The following CADPS variants were observed in gnomAD, a reference collection of about 807,000 sequenced individuals.
CADPS encodes calcium-dependent secretion activator 1.
In CADPS, 57 loss-of-function variants were observed where a neutral mutation model predicts 167.3. The observed-to-expected ratio is 0.34, with a 90% CI of 0.28 to 0.42. CADPS has a LOEUF of 0.42. Ranked by LOEUF, CADPS falls within the 20% of genes least tolerant of loss-of-function variation. CADPS has a pLI of 1.00. For synonymous variants in CADPS, 676 were observed against 635.3 expected (o/e 1.06, Z -0.96); for missense variants, 1,414 against 1,738.1 (o/e 0.81, Z 3.32).
intron 6 of CADPS, among the ~76,000 whole-genome samples, chr3:62,637,098 C>A (rs72874448): frequency 1.6e-3 from 246 of 152,114 alleles, no homozygotes; most frequent in African/African-American, 5.5e-3. Context: ...ATACTATTTC[C>A]TGAGAGGTTA....
chr3:62,515,898 C>T (rs767378737), intron 16 of CADPS, among the ~76,000 whole-genome samples, 161 bp downstream of exon 16: 21 of 152,074 alleles, frequency 1.4e-4, no homozygotes, highest in Non-Finnish European at 2.8e-4. Context: ...ATTTACTTGG[C>T]CACAGCCAAG....
At chr3:62,781,244 A>T (rs994694810) in intron 1 of CADPS, among the ~76,000 whole-genome samples, 3 of 152,230 alleles carry the variant, frequency 2.0e-5, no homozygotes, top group Non-Finnish European at 2.9e-5. Context: ...GAAGGCATAC[A>T]GCAGACAAAG....
intron 1 of CADPS, among the ~76,000 whole-genome samples, chr3:62,858,916 G>C (rs958719): frequency 0.34 from 51,721 of 151,906 alleles, 10,503 homozygotes; most frequent in East Asian, 0.5. Context: ...GAAAATGTTT[G>C]GATTTTTAAA....
At chr3:62,841,487 G>T (rs546389250) in intron 1 of CADPS, among the ~76,000 whole-genome samples, 8 of 152,272 alleles carry the variant, frequency 5.3e-5, no homozygotes, top group African/African-American at 1.9e-4. Context: ...AGGCTAAGGT[G>T]GGTGGATCAT....
rs2068409678 is a variant in CADPS, at chr3:62,645,735, C to A, written c.1312G>T (p.Ala438Ser). 1 of 1,613,964 alleles carries A rather than the reference C, an allele frequency of 6.2e-7. No homozygotes were observed. The highest frequency in any genetic ancestry group is 1.3e-5 in the African/African-American group (1 of 74,910). Residue 438 changes from alanine (A) to serine (S), a missense_variant, in exon 6 of 30, where the codon GCT becomes TCT. Around this residue, in one of 6 missense-constraint regions of CADPS, gnomAD observed 157 missense variants for 229.4 expected, o/e 0.68. Transcript: ENST00000383710. ...AACATAACTTACGTTGGTTTAGAAG[C>A]CTCGGCCTGATCAGTCTGTAGTTTC... ...GEKLQTDQAE[A>S]SKPTWGTQGD...
At position 62,465,510 on chromosome 3, in the gene CADPS, G is replaced by A. The variant is rs1576418811; in HGVS notation, c.3553-60C>T. The A allele has an allele frequency of 2.5e-6, 3 of 1,180,158 alleles. No individual in the cohort carries two copies. Among genetic ancestry groups the A allele is most frequent in the Non-Finnish European group, 3.7e-6 (3 of 814,064 alleles). 73.1% of individuals were successfully genotyped at this position (1,180,158 alleles called of 1,614,324 possible). A position where few individuals can be genotyped will look rare whatever the true frequency, so the allele number is the denominator to read the frequency against. On this transcript the variant is annotated intron_variant, in intron 25 of 29. Transcript: ENST00000383710. The surrounding 1 kb of genome is among the most constrained non-coding windows in gnomAD (Gnocchi z 4.1). ...TCAAACTATAATTGTTCACCATAAA[G>A]CACATCATTTCCCCACCACATAAAG...
intron 28 of CADPS, among the ~76,000 whole-genome samples, chr3:62,425,931 C>T (rs565529713): frequency 1.3e-5 from 2 of 152,266 alleles, no homozygotes; most frequent in African/African-American, 4.8e-5. Flanking sequence ...CCTGGGGCAC[C>T]TTCTTTGAGG....
Position 62,438,254 on chromosome 3 carries a change from C to A in CADPS, c.3670-43G>T, listed in dbSNP as rs750844112. On this transcript the variant is annotated intron_variant, in intron 27 of 29. Coordinates refer to ENST00000383710, the MANE Select transcript of CADPS (RefSeq NM_003716.4). The surrounding 1 kb of genome is among the most constrained non-coding windows in gnomAD (Gnocchi z 4.7). ...AACATGAAAACGAATTTTCAGACAG[C>A]CACTCTTCCTTGTTTACCATTCACT... The A allele has an allele frequency of 3.6e-6, 5 of 1,403,504 alleles. No homozygotes were observed. The highest frequency in any genetic ancestry group is 5.1e-6 in the Non-Finnish European group (5 of 989,182). The allele number at this position is 1,403,504 out of a possible 1,614,324, so 86.9% of individuals were successfully genotyped here.
chr3:62,805,649 G>T (rs2094044994), intron 1 of CADPS, among the ~76,000 whole-genome samples: 1 of 152,116 alleles, frequency 6.6e-6, no homozygotes, highest in Non-Finnish European at 1.5e-5. Context: ...AGGCTCTGCT[G>T]CCTAATCTCA....
At position 62,458,923 on chromosome 3, in the gene CADPS, ACTTAT is replaced by A. The variant is rs753272493; in HGVS notation, c.3636+6439_3636+6443del. On this transcript the variant is annotated intron_variant, in intron 26 of 29. Coordinates refer to ENST00000383710, the MANE Select transcript of CADPS (RefSeq NM_003716.4). This position sits in a 1 kb window ranked among gnomAD's most constrained non-coding sequence, Gnocchi z 4.6. ...TTAAGTGAAATAGTTAACTTTGGAT[ACTTAT>A]CTTTTCTCTTCTGTAAAGCTTCTGA... Among the ~76,000 whole-genome samples the A allele has an allele frequency of 2.6e-4, 39 of 152,220 alleles. No individual in the cohort carries two copies. The highest frequency in any genetic ancestry group is 9.8e-4 in the Admixed American group (15 of 15,276).
chr3:62,798,135 A>T (rs1469199212), intron 1 of CADPS, among the ~76,000 whole-genome samples: 1 of 152,028 alleles, frequency 6.6e-6, no homozygotes, highest in Non-Finnish European at 1.5e-5. Flanking sequence ...AAACAATGTG[A>T]TGGCTAATAC....
intron 4 of CADPS, among the ~76,000 whole-genome samples, chr3:62,660,134 T>G (rs558366621): frequency 1.3e-5 from 2 of 150,506 alleles, no homozygotes; most frequent in Admixed American, 6.7e-5. Flanking sequence ...TATTAAAAAT[T>G]AAAATTAGCC....
chr3:62,483,020 G>A (rs1269402842), intron 21 of CADPS, among the ~76,000 whole-genome samples: 3 of 151,674 alleles, frequency 2.0e-5, no homozygotes, highest in African/African-American at 2.4e-5. Context: ...TGTCATACAC[G>A]GCTCCTCAAG....
rs748244005 is a variant in CADPS, at chr3:62,492,439, G to A, written c.2735C>T (p.Ala912Val). The change falls in exon 20 of 30, where the codon GCG becomes GTG. Residue 912 changes from alanine to valine, a missense_variant. Transcript: ENST00000383710. ...EPHVDKGEAFAWWSDLMVEHA... is the reference protein window; with the variant it reads ...EPHVDKGEAFVWWSDLMVEHA... Reference sequence around the variant, plus strand: ...CTCCACCATTAAATCTGACCACCACGCAAAGGCCTTTAAAATTTGGCAGAA... The same window carrying A: ...CTCCACCATTAAATCTGACCACCACACAAAGGCCTTTAAAATTTGGCAGAA... 6.2e-6 allele frequency: 10 copies of A among 1,612,412 alleles called. No homozygotes were observed. The highest frequency in any genetic ancestry group is 2.7e-5 in the African/African-American group (2 of 74,858).
Position 62,875,163 on chromosome 3 carries a change from C to G in CADPS, c.-134G>C. 2 of 1,190,106 alleles carry G rather than the reference C, an allele frequency of 1.7e-6. No individual in the cohort carries two copies. The highest frequency in any genetic ancestry group is 2.1e-6 in the Non-Finnish European group (2 of 935,780). 73.7% of individuals were successfully genotyped at this position (1,190,106 alleles called of 1,614,324 possible). ...AGGTCAGGGAGCGAGAGCGCTGCTGCTCAGCCTCGGCCGCCGCGACTGATC... is the reference window on the plus strand; with the variant it reads ...AGGTCAGGGAGCGAGAGCGCTGCTGGTCAGCCTCGGCCGCCGCGACTGATC... On this transcript the variant is annotated 5_prime_UTR_variant, in exon 1 of 30. Transcript: ENST00000383710.
chr3:62,666,624 T>G (rs1378978385), intron 3 of CADPS, among the ~76,000 whole-genome samples: 2 of 152,206 alleles, frequency 1.3e-5, no homozygotes, highest in Admixed American at 1.3e-4. Flanking sequence ...GCAGAGGCTG[T>G]GTGGTTGTTT....
At chr3:62,489,861 A>G (rs1576724368) in intron 21 of CADPS, among the ~76,000 whole-genome samples, 1 of 152,232 alleles carries the variant, frequency 6.6e-6, no homozygotes, top group South Asian at 2.1e-4. Flanking sequence ...AGAGGCTCTC[A>G]ATAATTTACC....
intron 6 of CADPS, among the ~76,000 whole-genome samples, chr3:62,633,658 T>G (rs2065726678): frequency 6.6e-6 from 1 of 152,162 alleles, no homozygotes; most frequent in Non-Finnish European, 1.5e-5. Flanking sequence ...GGATATTTTG[T>G]GACCCCTCTA....
At chr3:62,588,988 G>C (rs1246639114) in intron 7 of CADPS, among the ~76,000 whole-genome samples, 1 of 152,050 alleles carries the variant, frequency 6.6e-6, no homozygotes, top group Non-Finnish European at 1.5e-5. Flanking sequence ...TCTTTCTCTG[G>C]GAAGGGATAC....
Sources: gnomAD v4.1 joint callset for allele counts (sites outside exome capture counted in the v4.1 genomes callset) on GRCh38, gnomAD v4.1.1 for gene constraint, gnomAD v4.1.1 regional missense constraint, Gnocchi (gnomAD v3.1) non-coding constraint, MANE v1.5 for transcripts, NCBI Gene and HGNC (gene_info 2026-07-23, HGNC 2026-07-21) for gene names.